HEG1: variants seen among roughly 807,000 people sequenced by gnomAD.
HEG1 encodes protein HEG homolog 1.
In HEG1, 56 loss-of-function variants were observed where a neutral mutation model predicts 125.6. The ratio of observed to expected loss-of-function variants is 0.45; its 90% confidence interval spans 0.36 to 0.56. The LOEUF is 0.56. Ranked by LOEUF, HEG1 falls within the 20% of genes least tolerant of loss-of-function variation. The pLI, the probability that HEG1 is intolerant of heterozygous loss-of-function variation, is 0.00. For synonymous variants in HEG1, 644 were observed against 668.5 expected, an observed-to-expected ratio of 0.96 and a Z score of 0.57; for missense variants, 1,523 against 1,670.0, an observed-to-expected ratio of 0.91 and a Z score of 1.53.
At chr3:124,993,955 G>C (rs539933109) in intron 12 of HEG1, among the ~76,000 whole-genome samples, 1 of 152,230 alleles carries the variant, frequency 6.6e-6, no homozygotes, top group African/African-American at 2.4e-5. Context: ...GCGCTGTTCT[G>C]GGGAAACCTT....
intron 1 of HEG1, among the ~76,000 whole-genome samples, chr3:125,044,017 G>A (rs963880584): frequency 4.6e-5 from 7 of 152,156 alleles, no homozygotes; most frequent in Non-Finnish European, 1.0e-4. Flanking sequence ...TAATTTACTC[G>A]ACAGACCTCT....
At chr3:125,014,796 G>T in intron 5 of HEG1, 1 of 1,289,866 alleles carries the variant, frequency 7.8e-7, no homozygotes, top group South Asian at 1.2e-5. Flanking sequence ...GGCACCCTCT[G>T]TTTCTTGGTG....
intron 1 of HEG1, among the ~76,000 whole-genome samples, chr3:125,038,419 T>A (rs1174803537): frequency 6.6e-6 from 1 of 152,142 alleles, no homozygotes; most frequent in African/African-American, 2.4e-5. Flanking sequence ...CGGGTACCCC[T>A]CTATCTCTCT....
chr3:124,973,173 C>T (rs148451301), intron 16 of HEG1, among the ~76,000 whole-genome samples: 151 of 152,102 alleles, frequency 9.9e-4, no homozygotes, highest in African/African-American at 3.5e-3. Context: ...AGGCGAGCAC[C>T]ACCATGCCAG....
intron 14 of HEG1, among the ~76,000 whole-genome samples, chr3:124,988,388 C>T (rs1377476794): frequency 6.6e-6 from 1 of 152,140 alleles, no homozygotes. Context: ...TCAGCATTGA[C>T]ACCTAAAAAG....
chr3:125,028,560 T>C (rs971909516), intron 2 of HEG1, among the ~76,000 whole-genome samples: 3 of 152,166 alleles, frequency 2.0e-5, no homozygotes, highest in Non-Finnish European at 4.4e-5. Context: ...CTAATCCCAG[T>C]TCTGAAACCT....
intron 12 of HEG1, among the ~76,000 whole-genome samples, chr3:124,991,840 C>A (rs955181662): frequency 6.6e-6 from 1 of 152,094 alleles, no homozygotes; most frequent in African/African-American, 2.4e-5. Context: ...AAACTCCTGA[C>A]CTCAGATGAT....
rs1024370461 is a variant in HEG1, at chr3:124,987,968, T to C, written c.3733+2819A>G. ...ACACACACACATATATATATATATA[T>C]ATATATACCATGTAGTTCTAGTATT... On this transcript the variant is annotated intron_variant, in intron 14 of 16. Coordinates refer to ENST00000311127, the MANE Select transcript of HEG1 (RefSeq NM_020733.2). Among the ~76,000 whole-genome samples the C allele has an allele frequency of 7.0e-4, 43 of 61,852 alleles. 1 individual carries two copies. Among genetic ancestry groups the C allele is most frequent in the Middle Eastern group, 0.014 (1 of 74 alleles). 40.6% of individuals were successfully genotyped at this position (61,852 alleles called of 152,430 possible).
In HEG1 at chr3:125,021,149, T is replaced by G. The variant is rs1032105297; in HGVS notation, c.914-19A>C. The G allele has an allele frequency of 5.9e-6, 9 of 1,514,118 alleles. No individual in the cohort carries two copies. The highest frequency in any genetic ancestry group is 6.2e-6 in the Non-Finnish European group (7 of 1,121,742). The allele number at this position is 1,514,118 out of a possible 1,614,324, so 93.8% of individuals were successfully genotyped here. On this transcript the variant is annotated intron_variant, in intron 3 of 16. Coordinates refer to ENST00000311127, the MANE Select transcript of HEG1 (RefSeq NM_020733.2). ...TCAGAAGCTACAATGGAAAAAGATA[T>G]GCTTCAAAATTACTCAGGAGTTTAA... is the stretch of plus-strand genomic sequence containing the variant.
rs189541911 is a variant in HEG1 at position 124,983,708 on chromosome 3, C to A, written c.3734-5762G>T. ...GCATTCTTATTTTCTCCCGCACCTTCTGAAATTCACCTTTTGCAAGTCTAC... is the reference window on the plus strand; with the variant it reads ...GCATTCTTATTTTCTCCCGCACCTTATGAAATTCACCTTTTGCAAGTCTAC... On this transcript the variant is annotated intron_variant, in intron 14 of 16. Transcript: ENST00000311127. 8.5e-5 allele frequency among the ~76,000 whole-genome samples: 13 copies of A among 152,280 alleles called. No individual in the cohort carries two copies. In the East Asian group the frequency reaches 2.5e-3, roughly 29 times the overall value.
chr3:125,048,416 C>T (rs953676864), intron 1 of HEG1, among the ~76,000 whole-genome samples: 3 of 152,226 alleles, frequency 2.0e-5, no homozygotes, highest in African/African-American at 7.2e-5. Context: ...TCCTTCTTGC[C>T]AATCCTGAGA....
At chr3:124,983,944 C>T (rs1270131245) in intron 14 of HEG1, among the ~76,000 whole-genome samples, 1 of 152,132 alleles carries the variant, frequency 6.6e-6, no homozygotes, top group East Asian at 1.9e-4. Flanking sequence ...CAGTCAAGAC[C>T]GAGTAAAATG....
chr3:125,035,650 ATTTC>A (rs1937541935), intron 1 of HEG1, among the ~76,000 whole-genome samples: 1 of 152,154 alleles, frequency 6.6e-6, no homozygotes, highest in Non-Finnish European at 1.5e-5. Flanking sequence ...ATTATAACAA[ATTTC>A]TTTCAAGCAG....
At chr3:125,006,337 G>A (rs758823014) in intron 8 of HEG1, among the ~76,000 whole-genome samples, 2 of 152,124 alleles carry the variant, frequency 1.3e-5, no homozygotes, top group East Asian at 3.8e-4. Flanking sequence ...TGAGGGGAAC[G>A]GGACTTACAA....
intron 15 of HEG1, among the ~76,000 whole-genome samples, chr3:124,977,431 G>A (rs1207818610): frequency 6.6e-6 from 1 of 152,180 alleles, no homozygotes. Context: ...AAATTAGGTT[G>A]TTGAGTTGTA....
intron 3 of HEG1, 53 bp from the exon 4 acceptor site, chr3:125,021,183 G>A (rs1937331462): frequency 1.7e-5 from 23 of 1,352,476 alleles, no homozygotes; most frequent in Admixed American, 1.2e-4. Flanking sequence ...AAGAAAATCC[G>A]GACTATATTC....
At chr3:125,046,203 TA>T (rs1214341453) in intron 1 of HEG1, among the ~76,000 whole-genome samples, 1 of 152,034 alleles carries the variant, frequency 6.6e-6, no homozygotes, top group African/African-American at 2.4e-5. Context: ...TCCATTACCA[TA>T]AAGCATGACT....
At chr3:124,994,507 CTTTT>C (rs547731140) in intron 12 of HEG1, among the ~76,000 whole-genome samples, 1 of 143,842 alleles carries the variant, frequency 7.0e-6, no homozygotes, top group Non-Finnish European at 1.5e-5. Flanking sequence ...ATGGTGGCAT[CTTTT>C]TTTTTTTTTT....
At chr3:125,019,799 A>G (rs930270768) in intron 4 of HEG1, among the ~76,000 whole-genome samples, 2 of 152,260 alleles carry the variant, frequency 1.3e-5, no homozygotes, top group African/African-American at 4.8e-5. Context: ...ACAAAAAAAT[A>G]TAACTTGTTG....
Sources: gnomAD v4.1 joint callset for allele counts (sites outside exome capture counted in the v4.1 genomes callset) on GRCh38, gnomAD v4.1.1 for gene constraint, MANE v1.5 for transcripts, NCBI Gene and HGNC (gene_info 2026-07-23, HGNC 2026-07-21) for gene names.